The following ABCG2 variants were observed in gnomAD, a reference collection of about 807,000 sequenced individuals.
The protein encoded by ABCG2 is ATP binding cassette subfamily G member 2 (JR blood group).
A neutral mutation model predicts 73.5 loss-of-function variants in ABCG2; 80 were observed. The observed-to-expected ratio is 1.09, with a 90% CI of 0.91 to 1.31. ABCG2 has a LOEUF of 1.31. Among genes scored for constraint, ABCG2 ranks in the 50% most tolerant of loss-of-function variants. The pLI is 0.00. For synonymous variants in ABCG2, 269 were observed against 282.4 expected, an observed-to-expected ratio of 0.95 and a Z score of 0.48; for missense variants, 796 against 786.2, an observed-to-expected ratio of 1.01 and a Z score of -0.15.
At position 88,095,559 on chromosome 4, in the gene ABCG2, T is replaced by A; in HGVS notation, c.1698A>T (p.Ser566=). 1 of 1,613,852 alleles carries A rather than the reference T, an allele frequency of 6.2e-7. No individual in the cohort carries two copies. The highest frequency in any genetic ancestry group is 8.5e-7 in the Non-Finnish European group (1 of 1,179,752). The change falls in exon 14 of 16, where the codon TCA becomes TCT. Residue 566 remains serine, a synonymous_variant. Coordinates refer to ENST00000237612, the MANE Select transcript of ABCG2 (RefSeq NM_004827.3). ...GTGGAATGCTGAAGTACTGAAGCCATGACAGCCAAGATGCAATGGTTGTGA... is the reference window on the plus strand; with the variant it reads ...GTGGAATGCTGAAGTACTGAAGCCAAGACAGCCAAGATGCAATGGTTGTGA... ...VNLTTIASWL[S]WLQYFSIPRY...
chr4:88,157,625 ATGTT>A (rs1727033774), intron 1 of ABCG2, among the ~76,000 whole-genome samples: 1 of 152,230 alleles, frequency 6.6e-6, no homozygotes, highest in Non-Finnish European at 1.5e-5. Flanking sequence ...TGGAAGGGTA[ATGTT>A]AGACTTAACA....
chr4:88,107,284 T>C lies in ABCG2; in HGVS notation c.1195-18A>G. 2 of 1,566,218 alleles carry C rather than the reference T, an allele frequency of 1.3e-6. No homozygotes were observed. The highest frequency in any genetic ancestry group is 1.7e-6 in the Non-Finnish European group (2 of 1,155,768). ...ACAATGATCTTTTCAAAAAGAAAAATGCAAAAAAAGGGGAAGAGTTTCAAT... is the reference window on the plus strand; with the variant it reads ...ACAATGATCTTTTCAAAAAGAAAAACGCAAAAAAAGGGGAAGAGTTTCAAT... On this transcript the variant is annotated intron_variant, in intron 9 of 15. Coordinates refer to ENST00000237612, the MANE Select transcript of ABCG2 (RefSeq NM_004827.3).
At chr4:88,152,820 G>T (rs60911526) in intron 1 of ABCG2, among the ~76,000 whole-genome samples, 27,720 of 151,920 alleles carry the variant, frequency 0.18, 4,186 homozygotes, top group African/African-American at 0.42. Context: ...TATGGAGAGA[G>T]AATGGGTGAT....
intron 1 of ABCG2, among the ~76,000 whole-genome samples, chr4:88,184,338 A>C (rs973830585): frequency 6.6e-6 from 1 of 152,222 alleles, no homozygotes; most frequent in African/African-American, 2.4e-5. Context: ...ACCTACTAGA[A>C]CTGACAAATT....
intron 1 of ABCG2, among the ~76,000 whole-genome samples, chr4:88,181,847 A>C (rs28856892): frequency 3.0e-3 from 454 of 152,310 alleles, no homozygotes; most frequent in African/African-American, 0.011. Context: ...ACTTTCACTA[A>C]AAGAAAGGAA....
Position 88,169,248 on chromosome 4 carries a change from G to A in ABCG2, c.-19-29234C>T, listed in dbSNP as rs28679279. ...TTTAGTAGAGATGGGGTTTCACCAT[G>A]TTGGCCAGGCTGGTCTGGAACTCCT... is the stretch of plus-strand genomic sequence containing the variant. On this transcript the variant is annotated intron_variant, in intron 1 of 15. Coordinates refer to the ABCG2 transcript ENST00000515655. Among the ~76,000 whole-genome samples the A allele has an allele frequency of 9.7e-3, 1,474 of 152,116 alleles. 19 individuals are homozygous for A. The highest frequency in any genetic ancestry group is 0.034 in the African/African-American group (1,397 of 41,500).
chr4:88,218,901 T>C (rs938079102), intron 1 of ABCG2, among the ~76,000 whole-genome samples: 1 of 152,218 alleles, frequency 6.6e-6, no homozygotes, highest in African/African-American at 2.4e-5. Flanking sequence ...TTGTGGGCCA[T>C]GCAGTCTTTT....
At chr4:88,150,387 T>C (rs1043474337) in intron 1 of ABCG2, among the ~76,000 whole-genome samples, 67 of 152,216 alleles carry the variant, frequency 4.4e-4, no homozygotes, top group African/African-American at 1.6e-3. Context: ...GTCCAAGTGC[T>C]GGTCGAAGGA....
intron 1 of ABCG2, among the ~76,000 whole-genome samples, chr4:88,202,088 A>G (rs114421362): frequency 5.0e-4 from 76 of 152,038 alleles, no homozygotes; most frequent in African/African-American, 1.7e-3. Context: ...CACAAAATGA[A>G]TATCGGTGAA....
chr4:88,169,129 A>G (rs1317822101), intron 1 of ABCG2, among the ~76,000 whole-genome samples: 2 of 149,560 alleles, frequency 1.3e-5, no homozygotes, highest in Non-Finnish European at 3.0e-5. Context: ...TACTGCAGCC[A>G]TGGCCTCCTG....
At chr4:88,180,617 G>T (rs970206307) in intron 1 of ABCG2, among the ~76,000 whole-genome samples, 2 of 152,070 alleles carry the variant, frequency 1.3e-5, no homozygotes, top group African/African-American at 4.8e-5. Context: ...AAATGGTGGT[G>T]TGCACCTGTA....
intron 1 of ABCG2, among the ~76,000 whole-genome samples, chr4:88,201,344 T>C (rs1047616660): frequency 1.8e-4 from 28 of 151,968 alleles, no homozygotes; most frequent in Admixed American, 5.3e-4. Context: ...CCCACAGACA[T>C]TGAAAGGATA....
chr4:88,116,082 C>T (rs143797341), intron 7 of ABCG2, among the ~76,000 whole-genome samples: 1,547 of 152,240 alleles, frequency 0.01, 17 homozygotes, highest in Middle Eastern at 0.038. Context: ...ATAATCCCAG[C>T]TACTAAGGAG....
intron 7 of ABCG2, among the ~76,000 whole-genome samples, chr4:88,117,424 G>C (rs1003018976): frequency 2.6e-5 from 4 of 152,002 alleles, no homozygotes; most frequent in Admixed American, 6.6e-5. Flanking sequence ...AAGGTCAGGA[G>C]ATCAAGACCA....
intron 1 of ABCG2, among the ~76,000 whole-genome samples, chr4:88,140,433 C>A (rs1054633957): frequency 3.3e-5 from 5 of 152,032 alleles, no homozygotes; most frequent in African/African-American, 9.7e-5. Flanking sequence ...ACCAGCCTGG[C>A]CAACATGGTG....
chr4:88,200,924 T>G (rs1729137225), intron 1 of ABCG2, among the ~76,000 whole-genome samples: 1 of 152,034 alleles, frequency 6.6e-6, no homozygotes, highest in Non-Finnish European at 1.5e-5. Context: ...GAAAATATAA[T>G]TAACAAAATT....
chr4:88,152,970 G>C (rs1490921710), intron 1 of ABCG2, among the ~76,000 whole-genome samples: 2 of 152,088 alleles, frequency 1.3e-5, no homozygotes, highest in African/African-American at 4.8e-5. Context: ...ATAAGTATTG[G>C]TGATGGCCTG....
At chr4:88,125,325 A>G (rs72875325) in intron 5 of ABCG2, among the ~76,000 whole-genome samples, 3,799 of 145,580 alleles carry the variant, frequency 0.026, 138 homozygotes, top group African/African-American at 0.084. Flanking sequence ...CTGCACAACT[A>G]TGACTGGGCG....
chr4:88,216,578 G>A (rs187189554), intron 1 of ABCG2, among the ~76,000 whole-genome samples: 10 of 152,214 alleles, frequency 6.6e-5, no homozygotes, highest in Admixed American at 3.9e-4. Context: ...TGAATGTCCC[G>A]TTGACCAACA....
Sources: gnomAD v4.1 joint callset for allele counts (sites outside exome capture counted in the v4.1 genomes callset) on GRCh38, gnomAD v4.1.1 for gene constraint, MANE v1.5 for transcripts, NCBI Gene and HGNC (gene_info 2026-07-23, HGNC 2026-07-21) for gene names.